Variants in ACBD6 observed in about 807,000 individuals in gnomAD.
The protein encoded by ACBD6 is acyl-CoA binding domain containing 6.
A neutral mutation model predicts 37.2 loss-of-function variants in ACBD6; 28 were observed. That is an observed-to-expected ratio of 0.75 (90% CI 0.56 to 1.03). The LOEUF (loss-of-function observed/expected upper bound fraction) is 1.03. Among genes scored for constraint, ACBD6 ranks in the 50% least tolerant of loss-of-function variants. ACBD6 has a pLI of 0.00. For synonymous variants in ACBD6, 113 were observed against 126.8 expected (o/e 0.89, Z 0.73); for missense variants, 340 against 337.4 (o/e 1.01, Z -0.06).
intron 6 of ACBD6, among the ~76,000 whole-genome samples, chr1:180,316,973 C>T (rs1256110879): frequency 3.9e-5 from 6 of 152,136 alleles, no homozygotes; most frequent in Admixed American, 6.6e-5. Context: ...TATGTTTACA[C>T]GGAGAACTGG....
intron 3 of ACBD6, among the ~76,000 whole-genome samples, chr1:180,455,548 T>C (rs1333669893): frequency 6.6e-6 from 1 of 152,066 alleles, no homozygotes; most frequent in Non-Finnish European, 1.5e-5. Flanking sequence ...AGGAAACTTA[T>C]TATCACTTTA....
rs1648994954 is a variant in ACBD6, at chr1:180,435,442, ACGGGGTTTCAC to A, written c.385-5191_385-5181del. On this transcript the variant is annotated intron_variant, in intron 3 of 7. Coordinates refer to ENST00000367595, the MANE Select transcript of ACBD6 (RefSeq NM_032360.4). ...TTTTTTTTTTTTTTTTTTAGTAGAG[ACGGGGTTTCAC>A]CGTTAGCCAGGATGGTCTCAATCTC... 24 of 421,902 alleles carry A rather than the reference ACGGGGTTTCAC, an allele frequency of 5.7e-5. No individual in the cohort carries two copies. The South Asian group carries it at 6.9e-4, about 12-fold the overall frequency. The allele number at this position is 421,902 out of a possible 1,614,324, so 26.1% of individuals were successfully genotyped here.
chr1:180,380,895 A>G (rs1473142605), intron 6 of ACBD6, among the ~76,000 whole-genome samples: 1 of 152,180 alleles, frequency 6.6e-6, no homozygotes, highest in African/African-American at 2.4e-5. Flanking sequence ...ATGTGAGTAA[A>G]TTAAATTTTC....
intron 7 of ACBD6, among the ~76,000 whole-genome samples, chr1:180,305,935 C>A (rs1239925354): frequency 2.0e-5 from 3 of 152,166 alleles, no homozygotes; most frequent in East Asian, 1.9e-4. Flanking sequence ...ATGATGAGTT[C>A]ATGTCCTTTG....
rs577024259 is a variant in ACBD6 at position 180,294,165 on chromosome 1, G to A, written c.695-5648C>T. Reference sequence around the variant, plus strand: ...CCGCCCCAGCCTCCCAAAGTGCTGGGATCACAGGTGTGAGCCACCACACCT... The same window carrying A: ...CCGCCCCAGCCTCCCAAAGTGCTGGAATCACAGGTGTGAGCCACCACACCT... On this transcript the variant is annotated intron_variant, in intron 7 of 7. Transcript: ENST00000367595. 2.0e-3 allele frequency among the ~76,000 whole-genome samples: 302 copies of A among 152,240 alleles called. 1 individual carries two copies. The highest frequency in any genetic ancestry group is 3.1e-3 in the Non-Finnish European group (211 of 68,014).
At chr1:180,380,789 A>G (rs1246977103) in intron 6 of ACBD6, among the ~76,000 whole-genome samples, 1 of 152,280 alleles carries the variant, frequency 6.6e-6, no homozygotes, top group East Asian at 1.9e-4. Context: ...GATAAAAAAT[A>G]AGAGAGAAAT....
At chr1:180,413,054 T>C (rs993009449) in intron 5 of ACBD6, among the ~76,000 whole-genome samples, 1 of 152,208 alleles carries the variant, frequency 6.6e-6, no homozygotes, top group African/African-American at 2.4e-5. Context: ...AAGCTATGTA[T>C]AAATGAGATT....
intron 4 of ACBD6, among the ~76,000 whole-genome samples, chr1:180,429,570 T>C (rs562301331): frequency 3.9e-5 from 6 of 152,320 alleles, no homozygotes; most frequent in African/African-American, 1.4e-4. Context: ...TGTGCAAATA[T>C]GTCTTTGAGA....
chr1:180,340,373 T>C lies in ACBD6; in HGVS notation c.664-25651A>G, dbSNP rs563087110. ...AGGTATGGTAAAGACTAAGAAATAG[T>C]CACTGGATTTAGCAAAGTGGAAGTC... On this transcript the variant is annotated intron_variant, in intron 6 of 7. Transcript: ENST00000367595. Among the ~76,000 whole-genome samples the C allele has an allele frequency of 2.6e-5, 4 of 152,166 alleles. No individual in the cohort carries two copies. In the South Asian group the frequency reaches 8.3e-4, roughly 32 times the overall value.
chr1:180,353,549 C>T (rs1273440772), intron 6 of ACBD6, among the ~76,000 whole-genome samples: 2 of 151,838 alleles, frequency 1.3e-5, no homozygotes, highest in South Asian at 2.1e-4. Flanking sequence ...CAAAAGATGT[C>T]AGAATTATGT....
At chr1:180,426,406 G>A (rs1474606727) in intron 4 of ACBD6, among the ~76,000 whole-genome samples, 1 of 152,104 alleles carries the variant, frequency 6.6e-6, no homozygotes, top group African/African-American at 2.4e-5. Flanking sequence ...GCAATTTCTT[G>A]TATATGTAGT....
intron 6 of ACBD6, among the ~76,000 whole-genome samples, chr1:180,381,891 T>C (rs1653665831): frequency 6.6e-6 from 1 of 151,946 alleles, no homozygotes; most frequent in African/African-American, 2.4e-5. Context: ...GCAGATCACC[T>C]GAGGTCAGGA....
chr1:180,430,897 A>G (rs1309942383), intron 3 of ACBD6, among the ~76,000 whole-genome samples: 1 of 152,142 alleles, frequency 6.6e-6, no homozygotes, highest in East Asian at 1.9e-4. Flanking sequence ...CTTCTAAAAC[A>G]TGTAATGTGG....
In ACBD6 at chr1:180,478,549, C is replaced by T. The variant is rs1356769707; in HGVS notation, c.384+13720G>A. ...TGTCGCCCAGGCTGGAGTGCAATGG[C>T]ACAATCTCGGCTCACTGCAACCTCT... On this transcript the variant is annotated intron_variant, in intron 3 of 7. Coordinates refer to ENST00000367595, the MANE Select transcript of ACBD6 (RefSeq NM_032360.4). Among the ~76,000 whole-genome samples the T allele has an allele frequency of 2.0e-5, 3 of 150,980 alleles. No homozygotes were observed. The East Asian group carries it at 5.8e-4, about 29-fold the overall frequency.
At chr1:180,462,803 G>T (rs10914002) in intron 3 of ACBD6, among the ~76,000 whole-genome samples, 125,854 of 152,108 alleles carry the variant, frequency 0.83, 52,390 homozygotes, top group Non-Finnish European at 0.88. Context: ...ACATGGTACT[G>T]ACTCTAAAAT....
intron 4 of ACBD6, among the ~76,000 whole-genome samples, chr1:180,426,370 C>A (rs1220105626): frequency 1.3e-5 from 2 of 152,130 alleles, no homozygotes; most frequent in African/African-American, 4.8e-5. Flanking sequence ...CTAGATCAAA[C>A]CTTTGAAGCA....
At chr1:180,438,005 T>C (rs1649121507) in intron 3 of ACBD6, among the ~76,000 whole-genome samples, 1 of 152,198 alleles carries the variant, frequency 6.6e-6, no homozygotes, top group Non-Finnish European at 1.5e-5. Context: ...GTCAGGAACC[T>C]GGCCGCACAG....
rs4652502 is a variant in ACBD6 at position 180,442,306 on chromosome 1, C to G, written c.385-12044G>C. ...AACTAGGGGCACTTTTTTTTTTGCC[C>G]TCTCCATCCACAGATATTTGGCATG... On this transcript the variant is annotated intron_variant, in intron 3 of 7. Coordinates refer to ENST00000367595, the MANE Select transcript of ACBD6 (RefSeq NM_032360.4). 1.7e-3 allele frequency among the ~76,000 whole-genome samples: 265 copies of G among 151,954 alleles called. 5 individuals are homozygous for G. In the East Asian group the frequency reaches 0.046, roughly 26 times the overall value.
intron 7 of ACBD6, among the ~76,000 whole-genome samples, chr1:180,293,861 C>T (rs1479434836): frequency 6.6e-6 from 1 of 152,040 alleles, no homozygotes; most frequent in Non-Finnish European, 1.5e-5. Flanking sequence ...TCCTCTTCCC[C>T]AAGCCTCCCA....
Sources: allele counts gnomAD v4.1 joint callset (sites outside exome capture counted in the v4.1 genomes callset), GRCh38; gene constraint gnomAD v4.1.1; transcripts MANE v1.5; gene names NCBI Gene and HGNC (gene_info 2026-07-23, HGNC 2026-07-21).